Variants in FBLN1 observed in about 807,000 individuals in gnomAD.
The protein encoded by FBLN1 is fibulin-1.
A neutral mutation model predicts 89.7 loss-of-function variants in FBLN1; 34 were observed. The observed-to-expected ratio is 0.38, with a 90% CI of 0.29 to 0.50. The LOEUF (loss-of-function observed/expected upper bound fraction) is 0.50. Ranked by LOEUF, FBLN1 falls within the 20% of genes least tolerant of loss-of-function variation. FBLN1 has a pLI of 0.92. For missense variants in FBLN1, 777 were observed against 988.1 expected, an observed-to-expected ratio of 0.79 and a Z score of 2.86; for synonymous variants, 393 against 391.3, an observed-to-expected ratio of 1.00 and a Z score of -0.05.
chr22:45,589,764 C>T (rs1324158271), intron 16 of FBLN1, among the ~76,000 whole-genome samples: 1 of 152,114 alleles, frequency 6.6e-6, no homozygotes, highest in African/African-American at 2.4e-5. Flanking sequence ...CTCCTTTACT[C>T]TCATCTGCTC....
Position 45,577,098 on chromosome 22 carries a change from C to T in FBLN1, c.1962C>T (p.Gly654=). 6.2e-7 allele frequency: 1 copy of T among 1,614,120 alleles called. No homozygotes were observed. The highest frequency in any genetic ancestry group is 8.5e-7 in the Non-Finnish European group (1 of 1,180,026). Reference sequence around the variant, plus strand: ...ACATCATCAAGCGTTACATGGACGGCATGACCGTGGGTGAGTGGCTGGGAA... The same window carrying T: ...ACATCATCAAGCGTTACATGGACGGTATGACCGTGGGTGAGTGGCTGGGAA... ...SFDIIKRYMD[G]MTVGVVRQVR... The change falls in exon 16 of 17, where the codon GGC becomes GGT. Residue 654 remains glycine (G), a synonymous_variant. Coordinates refer to ENST00000327858, the MANE Select transcript of FBLN1 (RefSeq NM_006486.3). The surrounding 1 kb of genome is among the most constrained non-coding windows in gnomAD (Gnocchi z 6.6).
intron 16 of FBLN1, among the ~76,000 whole-genome samples, chr22:45,584,110 G>A (rs1053195259): frequency 2.0e-5 from 3 of 152,160 alleles, no homozygotes; most frequent in African/African-American, 7.2e-5. Context: ...ACTGGAACCC[G>A]CAGCAAGGGT....
At chr22:45,547,045 G>A (rs201622466) in intron 11 of FBLN1, 40 bp from the exon 12 acceptor site, 24 of 1,613,484 alleles carry the variant, frequency 1.5e-5, no homozygotes, top group South Asian at 8.8e-5. Flanking sequence ...AGGCAGGGAC[G>A]TATGATGCTC....
chr22:45,571,593 G>A (rs987463350), intron 14 of FBLN1, among the ~76,000 whole-genome samples: 3 of 152,238 alleles, frequency 2.0e-5, no homozygotes, highest in African/African-American at 7.2e-5. Flanking sequence ...GTGGGATAAT[G>A]ATGGGATACT....
chr22:45,577,300 C>T lies in FBLN1; in HGVS notation c.1972+192C>T, dbSNP rs535926830. 1.2e-4 allele frequency among the ~76,000 whole-genome samples: 18 copies of T among 152,288 alleles called. No individual in the cohort carries two copies. Among genetic ancestry groups the T allele is most frequent in the African/African-American group, 4.1e-4 (17 of 41,574 alleles). ...GGAGGAACAGCCAGAGTGGGGGATC[C>T]TGCCTGGGATCTGACCCTAGCTGTG... On this transcript the variant is annotated intron_variant, in intron 16 of 16. Transcript: ENST00000327858. This position sits in a 1 kb window ranked among gnomAD's most constrained non-coding sequence, Gnocchi z 6.6.
chr22:45,586,732 G>GGGTGAGCAGGTGAAAGGTGGTGGGC (rs2089089679), intron 16 of FBLN1, among the ~76,000 whole-genome samples: 1 of 152,212 alleles, frequency 6.6e-6, no homozygotes, highest in African/African-American at 2.4e-5. Context: ...AGGTGGTGGG[G>GGGTGAGCAGGTGAAAGGTGGTGGGC]GGTAAGCAGG....
At chr22:45,522,994 A>C (rs2088270695) in intron 2 of FBLN1, 2 of 555,538 alleles carry the variant, frequency 3.6e-6, no homozygotes, top group Non-Finnish European at 6.7e-6. Context: ...CAAAGAAAGT[A>C]ATAAGTCCGT....
chr22:45,518,843 G>A (rs867934033), intron 2 of FBLN1, 56 bp downstream of exon 2: 8 of 1,408,236 alleles, frequency 5.7e-6, no homozygotes, highest in Middle Eastern at 1.7e-4. Flanking sequence ...AGAGAAAAGT[G>A]GGGGAGGAAG....
In FBLN1 at chr22:45,574,480, C is replaced by T. The variant is rs114865592; in HGVS notation, c.1698-31C>T. On this transcript the variant is annotated intron_variant, in intron 14 of 16. Coordinates refer to ENST00000327858, the MANE Select transcript of FBLN1 (RefSeq NM_006486.3). The surrounding 1 kb of genome is among the most constrained non-coding windows in gnomAD (Gnocchi z 4.1). ...GTGGGAGCTGCTGTCCCAGCTTCCCCGTCAGCCTCGTGTGCTGTGGTTCCC... is the reference window on the plus strand; with the variant it reads ...GTGGGAGCTGCTGTCCCAGCTTCCCTGTCAGCCTCGTGTGCTGTGGTTCCC... The T allele has an allele frequency of 2.0e-3, 3,241 of 1,613,764 alleles. 57 individuals are homozygous for T. In the African/African-American group the frequency reaches 0.037, roughly 18 times the overall value.
chr22:45,583,702 A>C lies in FBLN1; in HGVS notation c.1972+6594A>C, dbSNP rs1387654899. On this transcript the variant is annotated intron_variant, in intron 16 of 16. Transcript: ENST00000327858. This position sits in a 1 kb window ranked among gnomAD's most constrained non-coding sequence, Gnocchi z 4.5. Reference sequence around the variant, plus strand: ...GACAGCACAATCAACACAGGAAGTAACAGAAGCAGCTAGTTACTCACAGGT... The same window carrying C: ...GACAGCACAATCAACACAGGAAGTACCAGAAGCAGCTAGTTACTCACAGGT... Among the ~76,000 whole-genome samples, 4 of 152,182 alleles carry C rather than the reference A, an allele frequency of 2.6e-5. No homozygotes were observed. The highest frequency in any genetic ancestry group is 9.7e-5 in the African/African-American group (4 of 41,446).
At chr22:45,519,319 G>A (rs2088215690) in intron 2 of FBLN1, among the ~76,000 whole-genome samples, 1 of 152,084 alleles carries the variant, frequency 6.6e-6, no homozygotes, top group African/African-American at 2.4e-5. Flanking sequence ...GACCGTGTAA[G>A]CTTAGAATAA....
rs1347121008 is a variant in FBLN1, at chr22:45,556,693, T to A, written c.1697+6078T>A. On this transcript the variant is annotated intron_variant, in intron 14 of 16. Coordinates refer to ENST00000327858, the MANE Select transcript of FBLN1 (RefSeq NM_006486.3). This position sits in a 1 kb window ranked among gnomAD's most constrained non-coding sequence, Gnocchi z 4.6. ...CAGCCACCCCAGCCAACACTGTAACTCCCTTCTTAGCCTGTTGACTTAAAG... is the reference window on the plus strand; with the variant it reads ...CAGCCACCCCAGCCAACACTGTAACACCCTTCTTAGCCTGTTGACTTAAAG... Among the ~76,000 whole-genome samples, 2 of 152,136 alleles carry A rather than the reference T, an allele frequency of 1.3e-5. No homozygotes were observed. The highest frequency in any genetic ancestry group is 4.8e-5 in the African/African-American group (2 of 41,422).
intron 16 of FBLN1, among the ~76,000 whole-genome samples, chr22:45,584,142 G>A (rs902433521): frequency 4.6e-5 from 7 of 152,198 alleles, no homozygotes; most frequent in African/African-American, 1.7e-4. Flanking sequence ...GCTCTGGTGT[G>A]GGAGTTAAAC....
At chr22:45,571,926 C>T (rs1394771370) in intron 14 of FBLN1, among the ~76,000 whole-genome samples, 2 of 152,050 alleles carry the variant, frequency 1.3e-5, no homozygotes, top group Admixed American at 1.3e-4. Context: ...GTCAGGAGTT[C>T]GAGACTAGCC....
rs1030290335 is a variant in FBLN1 at position 45,588,613 on chromosome 22, T to A, written c.1972+11505T>A. 6.6e-6 allele frequency among the ~76,000 whole-genome samples: 1 copy of A among 151,716 alleles called. No individual in the cohort carries two copies. The highest frequency in any genetic ancestry group is 2.4e-5 in the African/African-American group (1 of 41,328). On this transcript the variant is annotated intron_variant, in intron 16 of 16. Transcript: ENST00000327858. This position sits in a 1 kb window ranked among gnomAD's most constrained non-coding sequence, Gnocchi z 5.1. ...CCCACACACCTGCTGACTTCCAGAG[T>A]CACCAAGGGGTTAAAAGGGGCTGGG...
intron 4 of FBLN1, 65 bp downstream of exon 4, chr22:45,528,074 G>A: frequency 1.3e-6 from 2 of 1,564,308 alleles, no homozygotes; most frequent in Non-Finnish European, 1.8e-6. Flanking sequence ...TGTATATAGA[G>A]CGAGAGTGGA....
rs1278177240 is a variant in FBLN1, at chr22:45,537,975, A to G, written c.922+2638A>G. On this transcript the variant is annotated intron_variant, in intron 8 of 16. Coordinates refer to ENST00000327858, the MANE Select transcript of FBLN1 (RefSeq NM_006486.3). This position sits in a 1 kb window ranked among gnomAD's most constrained non-coding sequence, Gnocchi z 5.7. Reference sequence around the variant, plus strand: ...CTGACTCATGGCAAAATCAGCCCCGATTTCCACAAAGAGGCAATGTTTGCA... The same window carrying G: ...CTGACTCATGGCAAAATCAGCCCCGGTTTCCACAAAGAGGCAATGTTTGCA... 1.3e-5 allele frequency among the ~76,000 whole-genome samples: 2 copies of G among 152,218 alleles called. No homozygotes were observed. Among genetic ancestry groups the G allele is most frequent in the Non-Finnish European group, 2.9e-5 (2 of 68,042 alleles).
At chr22:45,523,984 C>T (rs1320593574) in intron 2 of FBLN1, among the ~76,000 whole-genome samples, 1 of 152,208 alleles carries the variant, frequency 6.6e-6, no homozygotes, top group East Asian at 1.9e-4. Context: ...AATGGATGCA[C>T]GCATGGCTGG....
chr22:45,574,500 G>C lies in FBLN1; in HGVS notation c.1698-11G>C. 1 of 1,614,066 alleles carries C rather than the reference G, an allele frequency of 6.2e-7. No homozygotes were observed. The highest frequency in any genetic ancestry group is 8.5e-7 in the Non-Finnish European group (1 of 1,180,030). On this transcript the variant is annotated splice_polypyrimidine_tract_variant and intron_variant, in intron 14 of 16. Coordinates refer to ENST00000327858, the MANE Select transcript of FBLN1 (RefSeq NM_006486.3). This position sits in a 1 kb window ranked among gnomAD's most constrained non-coding sequence, Gnocchi z 4.1. Reference sequence around the variant, plus strand: ...TTCCCCGTCAGCCTCGTGTGCTGTGGTTCCCCTCAGGCTCCAGCAGGAGAA... The same window carrying C: ...TTCCCCGTCAGCCTCGTGTGCTGTGCTTCCCCTCAGGCTCCAGCAGGAGAA...
Sources: gnomAD v4.1 joint callset for allele counts (sites outside exome capture counted in the v4.1 genomes callset) on GRCh38, gnomAD v4.1.1 for gene constraint, Gnocchi (gnomAD v3.1) non-coding constraint, MANE v1.5 for transcripts, NCBI Gene and HGNC (gene_info 2026-07-23, HGNC 2026-07-21) for gene names.